ZNF362: variants seen among roughly 807,000 people sequenced by gnomAD.
ZNF362 encodes the protein zinc finger protein 362.
A neutral mutation model predicts 42.9 loss-of-function variants in ZNF362; 11 were observed. The ratio of observed to expected loss-of-function variants is 0.26; its 90% CI spans 0.16 to 0.42. The LOEUF (loss-of-function observed/expected upper bound fraction) is 0.42. Among genes scored for constraint, ZNF362 ranks in the 20% least tolerant of loss-of-function variants. The pLI, the probability that ZNF362 is intolerant of heterozygous loss-of-function variation, is 1.00. For missense variants in ZNF362, 362 were observed against 576.2 expected, an observed-to-expected ratio of 0.63 and a Z score of 3.81; for synonymous variants, 255 against 257.3, an observed-to-expected ratio of 0.99 and a Z score of 0.09.
chr1:33,158,457 G>A, the ZNF362 span: 15 of 1,005,810 alleles, frequency 1.5e-5, no homozygotes, highest in Middle Eastern at 8.3e-4. Context: ...AGGGCAGCTG[G>A]CATAGGATGT....
chr1:33,181,571 A>AG, the ZNF362 span: 1 of 1,383,066 alleles, frequency 7.2e-7, no homozygotes, highest in Middle Eastern at 2.7e-4. This position sits in a 1 kb window ranked among gnomAD's most constrained non-coding sequence, Gnocchi z 6.5. Flanking sequence ...CGGAGAAGGG[A>AG]GGGGGTGCTG....
the ZNF362 span, among the ~76,000 whole-genome samples, chr1:33,198,733 G>A: frequency 1.3e-5 from 2 of 152,126 alleles, no homozygotes; most frequent in Non-Finnish European, 2.9e-5. Context: ...ACACATGATA[G>A]AATTAGGAGG....
At chr1:33,147,798 T>G in the ZNF362 span, 3 of 1,530,036 alleles carry the variant, frequency 2.0e-6, no homozygotes, top group Non-Finnish European at 2.7e-6. This position sits in a 1 kb window ranked among gnomAD's most constrained non-coding sequence, Gnocchi z 8.1. Context: ...AGTGCCTTCC[T>G]GAGGGCAGAG....
Position 33,299,302 on chromosome 1 carries a change from C to A in ZNF362, c.*256C>A. Reference sequence around the variant, plus strand: ...ACTTTGAACCTCTCTGTTGAGTTTTCTTTTTGTTCCCCACCCTTCACTTGC... The same window carrying A: ...ACTTTGAACCTCTCTGTTGAGTTTTATTTTTGTTCCCCACCCTTCACTTGC... On this transcript the variant is annotated 3_prime_UTR_variant, in exon 9 of 9. Transcript: ENST00000539719. The A allele has an allele frequency of 1.6e-5, 4 of 255,108 alleles. No individual in the cohort carries two copies. Among genetic ancestry groups the A allele is most frequent in the Admixed American group, 5.6e-5 (1 of 17,906 alleles). The allele number at this position is 255,108 out of a possible 1,614,324, so 15.8% of individuals were successfully genotyped here.
the ZNF362 span, chr1:33,166,226 A>G: frequency 6.6e-6 from 1 of 152,308 alleles, no homozygotes; most frequent in Non-Finnish European, 1.5e-5. Context: ...ATCCTACATC[A>G]TGTTGAGTTG....
chr1:33,257,328 A>T (rs1645800253), intron 1 of ZNF362, among the ~76,000 whole-genome samples: 1 of 151,788 alleles, frequency 6.6e-6, no homozygotes, highest in Non-Finnish European at 1.5e-5. Context: ...AAGAAAAAAA[A>T]AAAGGGAAGC....
At chr1:33,176,427 T>C in the ZNF362 span, 1 of 697,824 alleles carries the variant, frequency 1.4e-6, no homozygotes, top group Admixed American at 2.0e-5. Flanking sequence ...CGTCCAAGGC[T>C]GATCCACTGC....
At chr1:33,211,569 C>T in the ZNF362 span, among the ~76,000 whole-genome samples, 1 of 152,310 alleles carries the variant, frequency 6.6e-6, no homozygotes, top group South Asian at 2.1e-4. Context: ...TTGACCCCCA[C>T]TCTCTTCTGG....
chr1:33,189,651 A>ATG, the ZNF362 span, among the ~76,000 whole-genome samples: 13 of 20,712 alleles, frequency 6.3e-4, 1 homozygote, highest in East Asian at 0.028. Flanking sequence ...ATATATATAT[A>ATG]TATATATATA....
the ZNF362 span, among the ~76,000 whole-genome samples, chr1:33,128,641 AG>A: frequency 6.6e-6 from 1 of 152,128 alleles, no homozygotes; most frequent in Non-Finnish European, 1.5e-5. Context: ...TTAAAGCATC[AG>A]ATGTATTTAT....
the ZNF362 span, among the ~76,000 whole-genome samples, chr1:33,150,481 A>G: frequency 6.6e-6 from 1 of 152,198 alleles, no homozygotes; most frequent in Non-Finnish European, 1.5e-5. Flanking sequence ...TTAGTTTTGC[A>G]TTTTACCCTC....
chr1:33,176,168 G>A, the ZNF362 span, among the ~76,000 whole-genome samples: 1 of 152,174 alleles, frequency 6.6e-6, no homozygotes, highest in East Asian at 1.9e-4. Flanking sequence ...CTGCCTTCCT[G>A]TCCATGCTAC....
At chr1:33,260,330 C>G (rs1200935477) in intron 1 of ZNF362, among the ~76,000 whole-genome samples, 9 of 152,194 alleles carry the variant, frequency 5.9e-5, no homozygotes, top group Non-Finnish European at 4.4e-5. Flanking sequence ...ATTGCCACCT[C>G]CAGCCACACA....
chr1:33,215,604 G>T, the ZNF362 span, among the ~76,000 whole-genome samples: 3 of 152,026 alleles, frequency 2.0e-5, no homozygotes, highest in African/African-American at 4.8e-5. Flanking sequence ...TGAGTGCCTG[G>T]ATCAGTACAT....
chr1:33,241,422 G>C, the ZNF362 span, among the ~76,000 whole-genome samples: 5 of 151,662 alleles, frequency 3.3e-5, no homozygotes, highest in East Asian at 3.9e-4. Flanking sequence ...TTCTACCTGT[G>C]GGGGAGGAGG....
chr1:33,271,701 GTGTGGTAGATCACTT>G (rs1057451671), intron 2 of ZNF362, among the ~76,000 whole-genome samples: 20 of 152,156 alleles, frequency 1.3e-4, no homozygotes, highest in African/African-American at 4.8e-4. Context: ...GGGAGGGCGA[GTGTGGTAGATCACTT>G]TGTGTCTGCA....
chr1:33,160,090 CATG>C, the ZNF362 span: 3 of 1,053,192 alleles, frequency 2.8e-6, no homozygotes, highest in South Asian at 4.7e-5. Context: ...CATGCAAAAG[CATG>C]GTGGTAGGAA....
At chr1:33,189,671 A>ATG in the ZNF362 span, among the ~76,000 whole-genome samples, 3 of 105,044 alleles carry the variant, frequency 2.9e-5, no homozygotes, top group African/African-American at 1.1e-4. Flanking sequence ...ATATATATAT[A>ATG]TGTATATATA....
rs76346909 is a variant in ZNF362, at chr1:33,275,070, T to G, written c.39-1030T>G. The G allele has an allele frequency of 2.8e-4, 271 of 985,396 alleles. 3 individuals are homozygous for G. The East Asian group carries it at 0.016, about 58-fold the overall frequency. 61.0% of individuals were successfully genotyped at this position (985,396 alleles called of 1,614,324 possible). On this transcript the variant is annotated intron_variant, in intron 2 of 8. Coordinates refer to ENST00000539719, the MANE Select transcript of ZNF362 (RefSeq NM_152493.3). ...TTCATTTTGGTCTTTCCTGTCAAAATAAACAATTTCATTTAAGCAATAATA... is the reference window on the plus strand; with the variant it reads ...TTCATTTTGGTCTTTCCTGTCAAAAGAAACAATTTCATTTAAGCAATAATA...
Sources: allele counts gnomAD v4.1 joint callset (sites outside exome capture counted in the v4.1 genomes callset), GRCh38; gene constraint gnomAD v4.1.1; non-coding constraint Gnocchi (gnomAD v3.1); transcripts MANE v1.5; gene names NCBI Gene and HGNC (gene_info 2026-07-23, HGNC 2026-07-21).